SLC38A1: variants seen among roughly 807,000 people sequenced by gnomAD.
SLC38A1 encodes sodium-coupled neutral amino acid symporter 1.
A neutral mutation model predicts 60.3 loss-of-function variants in SLC38A1; 18 were observed. The observed-to-expected ratio is 0.30, with a 90% CI of 0.21 to 0.44. SLC38A1 has a LOEUF of 0.44. SLC38A1 is among the 20% of genes least tolerant of loss of function. The pLI is 1.00. For synonymous variants in SLC38A1, 196 were observed against 212.1 expected (o/e 0.92, Z 0.66); for missense variants, 448 against 587.2 (o/e 0.76, Z 2.45).
At chr12:46,223,739 G>C (rs897088375) in intron 5 of SLC38A1, among the ~76,000 whole-genome samples, 1 of 152,176 alleles carries the variant, frequency 6.6e-6, no homozygotes, top group Non-Finnish European at 1.5e-5. Context: ...CACAAACTCA[G>C]TGTTAATAAT....
rs142722168 is a variant in SLC38A1 at position 46,203,762 on chromosome 12, T to G, written c.822+539A>C. ...CTGCTGATGCACTATGCCAGGCACA[T>G]TCTAACAAAACCTTGTAAGATACAG... is the stretch of plus-strand genomic sequence containing the variant. On this transcript the variant is annotated intron_variant, in intron 11 of 16. Transcript: ENST00000398637. 7.8e-3 allele frequency among the ~76,000 whole-genome samples: 1,191 copies of G among 152,364 alleles called. 7 individuals carry two copies. Among genetic ancestry groups the G allele is most frequent in the Admixed American group, 0.019 (285 of 15,300 alleles).
chr12:46,197,898 C>G, intron 15 of SLC38A1, 21 bp downstream of exon 15: 1 of 1,612,226 alleles, frequency 6.2e-7, no homozygotes, highest in South Asian at 1.1e-5. Context: ...GAATGACAAG[C>G]ACAAAGTCAT....
At chr12:46,240,358 G>A (rs1166906844) in intron 2 of SLC38A1, among the ~76,000 whole-genome samples, 1 of 152,086 alleles carries the variant, frequency 6.6e-6, no homozygotes, top group Non-Finnish European at 1.5e-5. Context: ...CACCACGCCT[G>A]GCAAATTTTT....
chr12:46,260,111 TG>T (rs1942153202), intron 1 of SLC38A1, among the ~76,000 whole-genome samples: 1 of 152,206 alleles, frequency 6.6e-6, no homozygotes, highest in Non-Finnish European at 1.5e-5. Flanking sequence ...GAACAGCGTC[TG>T]GCCCGGGTTT....
chr12:46,212,525 T>C (rs1940221377), intron 5 of SLC38A1, among the ~76,000 whole-genome samples: 3 of 152,188 alleles, frequency 2.0e-5, no homozygotes, highest in Non-Finnish European at 4.4e-5. Flanking sequence ...GAGCATGTAA[T>C]TGTACATGGG....
intron 16 of SLC38A1, among the ~76,000 whole-genome samples, chr12:46,190,141 T>C (rs547920093): frequency 6.6e-6 from 1 of 152,264 alleles, no homozygotes; most frequent in South Asian, 2.1e-4. Flanking sequence ...CCTGTGTCCA[T>C]GTGTTCTCAT....
At chr12:46,204,632 A>ATTT in intron 9 of SLC38A1, 42 bp from the exon 10 acceptor site, 1 of 1,505,832 alleles carries the variant, frequency 6.6e-7, no homozygotes, top group Non-Finnish European at 9.0e-7. Flanking sequence ...ATTTTTTTCC[A>ATTT]TTTTTAAAAA....
intron 2 of SLC38A1, among the ~76,000 whole-genome samples, chr12:46,241,067 C>T (rs955215578): frequency 4.6e-5 from 7 of 151,930 alleles, no homozygotes; most frequent in African/African-American, 1.7e-4. Context: ...AAAAGCAAGG[C>T]GTATAATGCA....
At chr12:46,235,657 TAGA>T (rs1362701819) in intron 3 of SLC38A1, among the ~76,000 whole-genome samples, 5 of 152,116 alleles carry the variant, frequency 3.3e-5, no homozygotes, top group African/African-American at 1.2e-4. Context: ...ATAGAAAACA[TAGA>T]AGAAGAGGGA....
chr12:46,192,880 C>A (rs868326832), intron 16 of SLC38A1, among the ~76,000 whole-genome samples: 2 of 152,122 alleles, frequency 1.3e-5, no homozygotes, highest in African/African-American at 4.8e-5. Flanking sequence ...TTTCAAAAAA[C>A]CAGCTCCTGG....
chr12:46,206,970 T>C (rs1244489450), intron 8 of SLC38A1, among the ~76,000 whole-genome samples, 185 bp downstream of exon 8: 4 of 152,218 alleles, frequency 2.6e-5, no homozygotes, highest in African/African-American at 9.6e-5. Context: ...AATGTGCATA[T>C]GCAAATGGCT....
chr12:46,258,990 G>GT (rs1942117122), intron 1 of SLC38A1, among the ~76,000 whole-genome samples: 1 of 152,140 alleles, frequency 6.6e-6, no homozygotes, highest in Admixed American at 6.6e-5. Context: ...TGCTCAACCT[G>GT]TAATATTGTA....
chr12:46,205,881 G>A (rs1280926475), intron 9 of SLC38A1, among the ~76,000 whole-genome samples, 199 bp downstream of exon 9: 1 of 152,000 alleles, frequency 6.6e-6, no homozygotes, highest in Non-Finnish European at 1.5e-5. Flanking sequence ...CTCAGTAGAG[G>A]GATTGTTTAG....
intron 3 of SLC38A1, among the ~76,000 whole-genome samples, chr12:46,238,083 G>A (rs570595810): frequency 4.6e-5 from 7 of 151,826 alleles, no homozygotes; most frequent in African/African-American, 1.5e-4. Flanking sequence ...ATTTGTAAAC[G>A]GAAACTTTAC....
intron 3 of SLC38A1, among the ~76,000 whole-genome samples, chr12:46,236,959 C>T (rs1220405148): frequency 6.6e-6 from 1 of 152,216 alleles, no homozygotes; most frequent in Non-Finnish European, 1.5e-5. Context: ...GTATAGGTTT[C>T]TATGACTACA....
chr12:46,235,578 G>A lies in SLC38A1; in HGVS notation c.122+4101C>T, dbSNP rs548083649. Among the ~76,000 whole-genome samples the A allele has an allele frequency of 7.8e-4, 118 of 152,246 alleles. 1 individual carries two copies. The highest frequency in any genetic ancestry group is 2.7e-3 in the African/African-American group (114 of 41,550). Reference sequence around the variant, plus strand: ...TTTAATTGTAACAGGAGAAATGAAAGCAAGAGAAGAATTTTCTGACATGAA... The same window carrying A: ...TTTAATTGTAACAGGAGAAATGAAAACAAGAGAAGAATTTTCTGACATGAA... On this transcript the variant is annotated intron_variant, in intron 3 of 16. Transcript: ENST00000398637.
Position 46,183,465 on chromosome 12 carries a change from T to A in SLC38A1, c.*5505A>T, listed in dbSNP as rs1489164083. The A allele has an allele frequency of 2.0e-5, 3 of 152,236 alleles. No individual in the cohort carries two copies. The highest frequency in any genetic ancestry group is 2.9e-5 in the Non-Finnish European group (2 of 68,034). 9.4% of individuals were successfully genotyped at this position (152,236 alleles called of 1,614,324 possible). The stretch of plus-strand genomic sequence containing the variant: ...AAAGCTTGATTAGATAATGGTTCTT[T>A]GTTTTCTTTCCTTCAAATTTGTGCT... On this transcript the variant is annotated 3_prime_UTR_variant, in exon 17 of 17. Coordinates refer to ENST00000398637, the MANE Select transcript of SLC38A1 (RefSeq NM_030674.4).
At position 46,189,027 on chromosome 12, in the gene SLC38A1, G is replaced by A. The variant is rs747958021; in HGVS notation, c.1407C>T (p.Ser469=). ...CCCAGTCATAGATGACCAAGGGAAT[G>A]CTGACCAAGGAGAACAACACCCCCA... ...LGLGVLFSLV[S]IPLVIYDWAC... The change falls in exon 17 of 17, where the codon AGC becomes AGT. Residue 469 remains serine (S), a synonymous_variant. Coordinates refer to ENST00000398637, the MANE Select transcript of SLC38A1 (RefSeq NM_030674.4). 10 of 1,613,670 alleles carry A rather than the reference G, an allele frequency of 6.2e-6. No homozygotes were observed. The highest frequency in any genetic ancestry group is 8.5e-6 in the Non-Finnish European group (10 of 1,179,852).
chr12:46,266,565 G>A (rs751939897), intron 1 of SLC38A1, among the ~76,000 whole-genome samples: 2 of 151,288 alleles, frequency 1.3e-5, no homozygotes, highest in Non-Finnish European at 2.9e-5. Context: ...CGCCCCTCCC[G>A]GTGAGTCACT....
Sources: allele counts gnomAD v4.1 joint callset (sites outside exome capture counted in the v4.1 genomes callset), GRCh38; gene constraint gnomAD v4.1.1; transcripts MANE v1.5; gene names NCBI Gene and HGNC (gene_info 2026-07-23, HGNC 2026-07-21).